The following ZFYVE26 variants were observed in gnomAD, a reference collection of about 807,000 sequenced individuals.
ZFYVE26 encodes the protein zinc finger FYVE-type containing 26, also known as zinc finger FYVE domain-containing protein 26.
ZFYVE26 carries 181 observed loss-of-function variants against 276.5 expected under a neutral mutation model. That is an observed-to-expected ratio of 0.65 (90% CI 0.58 to 0.74). The LOEUF (loss-of-function observed/expected upper bound fraction) is 0.74. ZFYVE26 is among the 30% of genes least tolerant of loss of function. The probability of loss-of-function intolerance (pLI) is 0.00; values close to 1 mark genes in which losing one functional copy is unlikely to be tolerated. For synonymous variants in ZFYVE26, 1,129 were observed against 1,203.1 expected, an observed-to-expected ratio of 0.94 and a Z score of 1.27; for missense variants, 2,821 against 3,097.9, an observed-to-expected ratio of 0.91 and a Z score of 2.12.
chr14:67,751,852 A>G (rs997689938), intron 40 of ZFYVE26, among the ~76,000 whole-genome samples: 3 of 149,424 alleles, frequency 2.0e-5, no homozygotes, highest in African/African-American at 7.4e-5. Flanking sequence ...ACAGCGCGAG[A>G]CTCTGTCTCA....
At chr14:67,790,807 GGT>G in intron 14 of ZFYVE26, 34 bp from the exon 15 acceptor site, 2 of 1,594,680 alleles carry the variant, frequency 1.3e-6, no homozygotes, top group Non-Finnish European at 1.7e-6. Context: ...GGGCCCTGGT[GGT>G]CCCACTGATT....
chr14:67,729,104 C>T, intron 14 of ZFYVE26: 1 of 1,364,044 alleles, frequency 7.3e-7, no homozygotes, highest in East Asian at 2.3e-5. Flanking sequence ...GTCCCTCCTT[C>T]TCACTTGTGT....
intron 20 of ZFYVE26, 21 bp from the exon 21 acceptor site, chr14:67,783,546 A>T: frequency 6.2e-7 from 1 of 1,609,834 alleles, no homozygotes; most frequent in Non-Finnish European, 8.5e-7. Context: ...AGAAGCAGAA[A>T]GCATACAAGG....
intron 37 of ZFYVE26, among the ~76,000 whole-genome samples, chr14:67,754,772 G>A (rs772770797): frequency 9.9e-5 from 15 of 152,194 alleles, no homozygotes; most frequent in Non-Finnish European, 1.8e-4. Flanking sequence ...GGTGACATCA[G>A]TAGGGGCCAG....
At chr14:67,737,473 CATGAGAA>C (rs1441373755) in intron 13 of ZFYVE26, among the ~76,000 whole-genome samples, 1 of 152,086 alleles carries the variant, frequency 6.6e-6, no homozygotes, top group African/African-American at 2.4e-5. Flanking sequence ...CATCAGGTCT[CATGAGAA>C]CTCTCTCACT....
intron 32 of ZFYVE26, among the ~76,000 whole-genome samples, chr14:67,764,154 T>C (rs1258167147): frequency 6.6e-6 from 1 of 152,118 alleles, no homozygotes; most frequent in Non-Finnish European, 1.5e-5. Flanking sequence ...TTATACTGTC[T>C]AGTGCTGCTG....
chr14:67,775,297 G>A (rs1009604266), intron 26 of ZFYVE26, among the ~76,000 whole-genome samples, 183 bp from the exon 27 acceptor site: 1 of 152,112 alleles, frequency 6.6e-6, no homozygotes, highest in East Asian at 1.9e-4. Context: ...TAAACGCCTC[G>A]AAAAACAAAC....
chr14:67,739,318 TAGAG>T (rs1244599831), intron 13 of ZFYVE26, among the ~76,000 whole-genome samples: 2 of 152,110 alleles, frequency 1.3e-5, no homozygotes, highest in South Asian at 2.1e-4. Context: ...AAAGGAAAGA[TAGAG>T]AGAATCTGGG....
intron 41 of ZFYVE26, among the ~76,000 whole-genome samples, chr14:67,750,190 T>C (rs773888700): frequency 1.9e-4 from 29 of 152,204 alleles, no homozygotes; most frequent in Non-Finnish European, 3.5e-4. Flanking sequence ...TGTCAGAATT[T>C]CATCCTTTCT....
chr14:67,752,630 T>C, intron 39 of ZFYVE26, 104 bp from the exon 40 acceptor site: 1 of 1,244,642 alleles, frequency 8.0e-7, no homozygotes, highest in Non-Finnish European at 1.2e-6. Flanking sequence ...AGATAAGCCA[T>C]ATTGATTGTG....
intron 4 of ZFYVE26, among the ~76,000 whole-genome samples, chr14:67,808,960 C>T (rs553218876): frequency 6.6e-6 from 1 of 152,314 alleles, no homozygotes; most frequent in East Asian, 1.9e-4. Flanking sequence ...TCCCTGCTAT[C>T]TACTAATAAA....
rs1356371484 is a variant in ZFYVE26, at chr14:67,762,730, G to A, written c.6101C>T (p.Ala2034Val). ...AAGCTGGTTCCTTAGCCTGGTTACT[G>A]CAGCTGGCTGCAAGATCTGATCCAA... ...PSLDQILQPA[A>V]VTRLRNQLLE... Residue 2034 changes from alanine to valine, a missense_variant, in exon 33 of 42, where the codon GCA (alanine) becomes GTA (valine). By Grantham distance (64) the Ala-to-Val change is moderately conservative (BLOSUM62 0). Transcript: ENST00000347230. 1.9e-6 allele frequency: 3 copies of A among 1,614,158 alleles called. No homozygotes were observed. In the East Asian group the frequency reaches 6.7e-5, roughly 36 times the overall value.
chr14:67,767,372 G>A (rs1025859690), intron 31 of ZFYVE26, among the ~76,000 whole-genome samples: 6 of 152,008 alleles, frequency 3.9e-5, no homozygotes, highest in Admixed American at 3.9e-4. Flanking sequence ...TGGACACGGT[G>A]TCTTTGCTCA....
At chr14:67,751,464 CA>C in intron 40 of ZFYVE26, 1 of 341,258 alleles carries the variant, frequency 2.9e-6, no homozygotes, top group Non-Finnish European at 5.7e-6. Flanking sequence ...CACTATAGTC[CA>C]AAACTCCTGG....
At chr14:67,733,952 C>T in intron 13 of ZFYVE26, 1 of 780,116 alleles carries the variant, frequency 1.3e-6, no homozygotes, top group South Asian at 1.4e-5. Flanking sequence ...CCAGCTGGTG[C>T]TGCGAATCCT....
Position 67,805,482 on chromosome 14 carries a change from C to T in ZFYVE26, c.1154G>A (p.Arg385Lys). 6.2e-7 allele frequency: 1 copy of T among 1,614,194 alleles called. No individual in the cohort carries two copies. Among genetic ancestry groups the T allele is most frequent in the South Asian group, 1.1e-5 (1 of 91,082 alleles). The part of the protein sequence containing the change: ...THCQSLESAK[R>K]LLQTLHRTQG... ...GGTCCTGTGCAGGGTCTGGAGCAGCCTCTTGGCTGACTCTAGGCTCTGGCA... is the reference window on the plus strand; with the variant it reads ...GGTCCTGTGCAGGGTCTGGAGCAGCTTCTTGGCTGACTCTAGGCTCTGGCA... Residue 385 changes from arginine to lysine, a missense_variant, in exon 7 of 42, where the codon AGG (arginine) becomes AAG (lysine). Coordinates refer to ENST00000347230, the MANE Select transcript of ZFYVE26 (RefSeq NM_015346.4).
At chr14:67,779,047 G>T (rs1023858305) in intron 23 of ZFYVE26, among the ~76,000 whole-genome samples, 1 of 152,198 alleles carries the variant, frequency 6.6e-6, no homozygotes, top group Non-Finnish European at 1.5e-5. Flanking sequence ...CTACCACAGT[G>T]ATTGGCAAAT....
chr14:67,748,696 T>C (rs1429997138), intron 41 of ZFYVE26, 57 bp from the exon 42 acceptor site: 25 of 1,589,464 alleles, frequency 1.6e-5, no homozygotes, highest in South Asian at 2.3e-5. Context: ...AAATCAAGTA[T>C]ACAGAGCTGC....
At chr14:67,758,595 C>A (rs1305391089) in intron 35 of ZFYVE26, among the ~76,000 whole-genome samples, 1 of 151,712 alleles carries the variant, frequency 6.6e-6, no homozygotes, top group East Asian at 1.9e-4. Context: ...ACAGAGAGGG[C>A]CTGAAAGGAT....
Sources: gnomAD v4.1 joint callset for allele counts (sites outside exome capture counted in the v4.1 genomes callset) on GRCh38, gnomAD v4.1.1 for gene constraint, MANE v1.5 for transcripts, NCBI Gene and HGNC (gene_info 2026-07-23, HGNC 2026-07-21) for gene names.